The following RIMS2 variants were observed in gnomAD, a reference collection of about 807,000 sequenced individuals.
RIMS2 encodes regulating synaptic membrane exocytosis 2.
Under a neutral mutation model 174.4 loss-of-function variants are expected in RIMS2, and 59 were observed. That is an observed-to-expected ratio of 0.34 (90% CI 0.27 to 0.42). The LOEUF (loss-of-function observed/expected upper bound fraction) is 0.42, where lower values mean the gene tolerates loss of function less well. RIMS2 is among the 10% of genes least tolerant of loss of function. The pLI is 1.00. For missense variants in RIMS2, 1,620 were observed against 1,666.3 expected (o/e 0.97, Z 0.48); for synonymous variants, 606 against 572.5 (o/e 1.06, Z -0.84).
At chr8:103,698,117 C>T (rs138878572) in intron 2 of RIMS2, among the ~76,000 whole-genome samples, 2 of 152,134 alleles carry the variant, frequency 1.3e-5, no homozygotes, top group African/African-American at 4.8e-5. Flanking sequence ...GGTGGAAATT[C>T]GTTTCCCTAT....
At chr8:104,253,084 T>C (rs915799849), downstream of RIMS2, 1 of 152,194 alleles carries the variant, frequency 6.6e-6, no homozygotes, top group African/African-American at 2.4e-5. Context: ...CAGCATGTAT[T>C]TGACGAAGAA....
At chr8:103,590,747 A>G (rs1240934071) in intron 1 of RIMS2, among the ~76,000 whole-genome samples, 1 of 151,088 alleles carries the variant, frequency 6.6e-6, no homozygotes, top group Non-Finnish European at 1.5e-5. Context: ...TGTAGACTAT[A>G]TTCTTCTGTG....
intron 15 of RIMS2, among the ~76,000 whole-genome samples, chr8:103,971,112 A>C (rs948771769): frequency 6.6e-6 from 1 of 152,180 alleles, no homozygotes; most frequent in African/African-American, 2.4e-5. Flanking sequence ...GAATAAATAG[A>C]CTATATATAG....
At chr8:103,534,479 G>C (rs1217159778) in intron 1 of RIMS2, among the ~76,000 whole-genome samples, 1 of 152,188 alleles carries the variant, frequency 6.6e-6, no homozygotes, top group Non-Finnish European at 1.5e-5. Flanking sequence ...AATGTCTAGA[G>C]AAGTCTCAAA....
intron 1 of RIMS2, among the ~76,000 whole-genome samples, chr8:103,666,018 ATTAAAT>A (rs1343867587): frequency 6.6e-6 from 1 of 152,202 alleles, no homozygotes; most frequent in Non-Finnish European, 1.5e-5. Context: ...CTTCAGACAA[ATTAAAT>A]TTAACAGAGT....
At chr8:104,240,670 G>C (rs2099284053) in intron 19 of RIMS2, among the ~76,000 whole-genome samples, 1 of 152,220 alleles carries the variant, frequency 6.6e-6, no homozygotes, top group Non-Finnish European at 1.5e-5. Context: ...AGAACTCAAA[G>C]ATATCAGATA....
At chr8:103,830,936 G>A (rs945030652) in intron 3 of RIMS2, among the ~76,000 whole-genome samples, 4 of 152,096 alleles carry the variant, frequency 2.6e-5, no homozygotes, top group African/African-American at 9.7e-5. Context: ...AGCCTCCTGA[G>A]TAGCTGGGTC....
At chr8:103,616,621 C>T (rs2095510690) in intron 1 of RIMS2, among the ~76,000 whole-genome samples, 1 of 152,038 alleles carries the variant, frequency 6.6e-6, no homozygotes, top group African/African-American at 2.4e-5. Flanking sequence ...CTAGAAAACC[C>T]CATAGTCTAG....
At chr8:103,905,581 G>C (rs72681366) in intron 4 of RIMS2, among the ~76,000 whole-genome samples, 20,127 of 151,306 alleles carry the variant, frequency 0.13, 1,819 homozygotes, top group Non-Finnish European at 0.2. Context: ...TGTTTGTATA[G>C]GGTTTTACAT....
chr8:103,539,985 C>T (rs1841773391), intron 1 of RIMS2, among the ~76,000 whole-genome samples: 1 of 152,252 alleles, frequency 6.6e-6, no homozygotes, highest in Non-Finnish European at 1.5e-5. Context: ...CTGACCAAAC[C>T]CTGGAGCCAC....
chr8:103,578,528 C>CAAAACAA (rs542965691), intron 1 of RIMS2, among the ~76,000 whole-genome samples: 8 of 151,388 alleles, frequency 5.3e-5, no homozygotes, highest in East Asian at 1.9e-4. Context: ...GAGCTCCTGT[C>CAAAACAA]AAAACAAAAA....
At chr8:103,579,649 C>T (rs368375482) in intron 1 of RIMS2, among the ~76,000 whole-genome samples, 1 of 151,968 alleles carries the variant, frequency 6.6e-6, no homozygotes, top group Admixed American at 6.6e-5. Flanking sequence ...ACTTCTTAAC[C>T]TATAAGATGT....
intron 2 of RIMS2, among the ~76,000 whole-genome samples, chr8:103,738,646 T>C (rs1454365284): frequency 6.6e-6 from 1 of 152,154 alleles, no homozygotes; most frequent in African/African-American, 2.4e-5. Flanking sequence ...GACAAAGAGC[T>C]AATATCCAGA....
chr8:104,084,437 C>CAAAAAAAAAAAA (rs34285862), intron 19 of RIMS2, among the ~76,000 whole-genome samples: 1 of 76,686 alleles, frequency 1.3e-5, no homozygotes, highest in Non-Finnish European at 2.4e-5. Context: ...GACTCTGTCT[C>CAAAAAAAAAAAA]AAAAAAAAAA....
intron 19 of RIMS2, among the ~76,000 whole-genome samples, chr8:104,109,765 G>A (rs1171631532): frequency 6.6e-6 from 1 of 152,146 alleles, no homozygotes; most frequent in African/African-American, 2.4e-5. Context: ...AATATTTTCT[G>A]AAGTACCAAA....
intron 19 of RIMS2, among the ~76,000 whole-genome samples, chr8:104,082,564 G>T (rs2097443458): frequency 1.3e-5 from 2 of 152,098 alleles, no homozygotes; most frequent in Non-Finnish European, 2.9e-5. Flanking sequence ...CTTTAGTGTG[G>T]AAATATACAA....
chr8:104,206,928 A>G (rs1587389089), intron 19 of RIMS2, among the ~76,000 whole-genome samples: 2 of 152,366 alleles, frequency 1.3e-5, no homozygotes, highest in East Asian at 3.9e-4. Context: ...ACTGCAAGCT[A>G]TTGAAGCTGG....
chr8:103,927,890 G>GT lies in RIMS2; in HGVS notation c.2244+2dup, dbSNP rs766368996. On this transcript the variant is annotated splice_donor_variant, in intron 11 of 23. Transcript: ENST00000504942. LOFTEE classifies it high-confidence loss of function. The stretch of plus-strand genomic sequence containing the variant: ...AACGCCTTTTGTTCCTAGGGTTCAG[G>GT]TAAAGGCCTTGTCTGCCTGATAGAA... The GT allele has an allele frequency of 6.2e-7, 1 of 1,606,772 alleles. No homozygotes were observed. The highest frequency in any genetic ancestry group is 1.1e-5 in the South Asian group (1 of 90,140).
chr8:103,537,344 G>GA (rs1431123093), intron 1 of RIMS2, among the ~76,000 whole-genome samples: 1 of 152,170 alleles, frequency 6.6e-6, no homozygotes, highest in Admixed American at 6.5e-5. Context: ...AATGAAATTA[G>GA]AAAAATGTGA....
Sources: gnomAD v4.1 joint callset for allele counts (sites outside exome capture counted in the v4.1 genomes callset) on GRCh38, gnomAD v4.1.1 for gene constraint, MANE v1.5 for transcripts, NCBI Gene and HGNC (gene_info 2026-07-23, HGNC 2026-07-21) for gene names.